Variants in PPP4R4 observed in about 807,000 individuals in gnomAD.
PPP4R4 encodes protein phosphatase 4 regulatory subunit 4.
PPP4R4 carries 70 observed loss-of-function variants against 121.8 expected under a neutral mutation model. That is an observed-to-expected ratio of 0.57 (90% confidence interval 0.47 to 0.70). The LOEUF (loss-of-function observed/expected upper bound fraction) is 0.70, where lower values mean the gene tolerates loss of function less well. Ranked by LOEUF, PPP4R4 falls within the 30% of genes least tolerant of loss-of-function variation. The pLI, the probability that PPP4R4 is intolerant of heterozygous loss-of-function variation, is 0.00. For synonymous variants in PPP4R4, 348 were observed against 355.7 expected (o/e 0.98, Z 0.24); for missense variants, 875 against 1,033.6 (o/e 0.85, Z 2.10).
chr14:94,276,410 G>C (rs897418598), intron 24 of PPP4R4, among the ~76,000 whole-genome samples: 5 of 152,212 alleles, frequency 3.3e-5, no homozygotes, highest in African/African-American at 7.2e-5. Context: ...GAAGCAAAGA[G>C]GTTTAATTGG....
intron 3 of PPP4R4, among the ~76,000 whole-genome samples, chr14:94,214,264 G>C (rs1448074206): frequency 1.3e-5 from 2 of 152,220 alleles, no homozygotes; most frequent in Non-Finnish European, 2.9e-5. Context: ...ATGTAGAATG[G>C]TATATAACGC....
At chr14:94,198,322 C>T (rs993118500) in intron 2 of PPP4R4, among the ~76,000 whole-genome samples, 7 of 151,970 alleles carry the variant, frequency 4.6e-5, no homozygotes, top group African/African-American at 1.4e-4. Context: ...ATTTATTTGC[C>T]ATTTTTATAT....
chr14:94,278,880 T>C lies in PPP4R4; in HGVS notation c.*237T>C, dbSNP rs1894787583. On this transcript the variant is annotated 3_prime_UTR_variant, in exon 25 of 25. Transcript: ENST00000304338. Reference sequence around the variant, plus strand: ...TTGAGTAATAATGTGGTTACGGAATTCCAATGTTATAGTGAAGTGTAATGA... The same window carrying C: ...TTGAGTAATAATGTGGTTACGGAATCCCAATGTTATAGTGAAGTGTAATGA... 3.4e-6 allele frequency: 1 copy of C among 293,894 alleles called. No homozygotes were observed. 18.2% of individuals were successfully genotyped at this position (293,894 alleles called of 1,614,324 possible). A position where few individuals can be genotyped will look rare whatever the true frequency, so the allele number is the denominator to read the frequency against.
At position 94,278,738 on chromosome 14, in the gene PPP4R4, A is replaced by T; in HGVS notation, c.*95A>T. On this transcript the variant is annotated 3_prime_UTR_variant, in exon 25 of 25. Coordinates refer to ENST00000304338, the MANE Select transcript of PPP4R4 (RefSeq NM_058237.2). ...AGCAGTGGCTGGGGCTTTGTTTTTA[A>T]ATTTTGGGTTTTTTTTTTTGTTGTT... 3.9e-6 allele frequency: 5 copies of T among 1,280,342 alleles called. No homozygotes were observed. The highest frequency in any genetic ancestry group is 5.2e-6 in the Non-Finnish European group (5 of 970,664). The allele number at this position is 1,280,342 out of a possible 1,614,324, so 79.3% of individuals were successfully genotyped here. A position where few individuals can be genotyped will look rare whatever the true frequency, so the allele number is the denominator to read the frequency against.
At chr14:94,204,193 A>G (rs182615670) in intron 2 of PPP4R4, among the ~76,000 whole-genome samples, 235 of 152,264 alleles carry the variant, frequency 1.5e-3, no homozygotes, top group Non-Finnish European at 2.1e-3. Flanking sequence ...GAAAAGGTTG[A>G]GAAGTGATTA....
chr14:94,188,189 T>C, intron 2 of PPP4R4, among the ~76,000 whole-genome samples: 1 of 152,178 alleles, frequency 6.6e-6, no homozygotes, highest in East Asian at 1.9e-4. Flanking sequence ...TATCTATTGA[T>C]ATGGTATATG....
rs189749246 is a variant in PPP4R4, at chr14:94,214,798, A to T, written c.294+6232A>T. Among the ~76,000 whole-genome samples, 225 of 152,314 alleles carry T rather than the reference A, an allele frequency of 1.5e-3. 1 individual carries two copies. Among genetic ancestry groups the T allele is most frequent in the African/African-American group, 5.1e-3 (214 of 41,572 alleles). ...CAAAATCAAAATGCTCCAAAATTTGAAGCTTTTTGAGCATAAATATGATGC... is the reference window on the plus strand; with the variant it reads ...CAAAATCAAAATGCTCCAAAATTTGTAGCTTTTTGAGCATAAATATGATGC... On this transcript the variant is annotated intron_variant, in intron 3 of 24. Transcript: ENST00000304338.
intron 2 of PPP4R4, among the ~76,000 whole-genome samples, chr14:94,183,976 CAT>C (rs969075641): frequency 2.6e-5 from 4 of 151,838 alleles, no homozygotes; most frequent in African/African-American, 7.3e-5. Context: ...TCAATGTAAT[CAT>C]ATTATAACAT....
intron 2 of PPP4R4, among the ~76,000 whole-genome samples, chr14:94,194,428 T>C (rs1325356179): frequency 6.6e-6 from 1 of 152,152 alleles, no homozygotes; most frequent in Non-Finnish European, 1.5e-5. Context: ...GGCTTTTCAA[T>C]AGGAAGTTGT....
At chr14:94,262,471 C>T (rs950430385) in intron 19 of PPP4R4, among the ~76,000 whole-genome samples, 1 of 151,738 alleles carries the variant, frequency 6.6e-6, no homozygotes, top group Non-Finnish European at 1.5e-5. Flanking sequence ...ATTTTAATAT[C>T]CATACCTAAC....
At chr14:94,202,581 G>C (rs1763653096) in intron 2 of PPP4R4, among the ~76,000 whole-genome samples, 1 of 152,148 alleles carries the variant, frequency 6.6e-6, no homozygotes. Context: ...GTAGTTTGCT[G>C]ATAGTTTTAA....
rs150796715 is a variant in PPP4R4, at chr14:94,231,392, TG to T, written c.516+79del. 1.2e-3 allele frequency: 1,506 copies of T among 1,300,738 alleles called. 23 individuals carry two copies. The African/African-American group carries it at 0.02, about 17-fold the overall frequency. The allele number at this position is 1,300,738 out of a possible 1,614,324, so 80.6% of individuals were successfully genotyped here. ...TTTTTAAAAGGTTTCTTGTCAAAAATGGTTTTTAAAAAAGAAAGTTGTTTTT... is the reference window on the plus strand; with the variant it reads ...TTTTTAAAAGGTTTCTTGTCAAAAATGTTTTTAAAAAAGAAAGTTGTTTTT... On this transcript the variant is annotated intron_variant, in intron 5 of 24. Transcript: ENST00000304338.
intron 3 of PPP4R4, chr14:94,227,749 C>G (rs1304055186): frequency 8.0e-6 from 8 of 1,000,726 alleles, no homozygotes; most frequent in Non-Finnish European, 9.5e-6. Flanking sequence ...TTAACAGACT[C>G]ATGTGAACTG....
At chr14:94,221,996 G>A (rs1386990918) in intron 3 of PPP4R4, among the ~76,000 whole-genome samples, 1 of 151,990 alleles carries the variant, frequency 6.6e-6, no homozygotes, top group African/African-American at 2.4e-5. Context: ...ACCATTCAAT[G>A]ATATAATACT....
chr14:94,178,900 A>G (rs1192349382), intron 2 of PPP4R4, among the ~76,000 whole-genome samples: 2 of 152,210 alleles, frequency 1.3e-5, no homozygotes, highest in Non-Finnish European at 2.9e-5. Context: ...AATCCTAAGT[A>G]TGTATACTGT....
chr14:94,174,434 C>A lies in PPP4R4; in HGVS notation c.-32C>A. 6.5e-6 allele frequency: 10 copies of A among 1,529,356 alleles called. No individual in the cohort carries two copies. Among genetic ancestry groups the A allele is most frequent in the Non-Finnish European group, 8.8e-6 (10 of 1,139,364 alleles). 94.7% of individuals were successfully genotyped at this position (1,529,356 alleles called of 1,614,324 possible). On this transcript the variant is annotated 5_prime_UTR_variant, in exon 1 of 25. Coordinates refer to ENST00000304338, the MANE Select transcript of PPP4R4 (RefSeq NM_058237.2). ...GGGCGTCCGGCATCCCGGGGCCGCTCCGGCCCGGGCGGCGAGAGTGCCCGG... is the reference window on the plus strand; with the variant it reads ...GGGCGTCCGGCATCCCGGGGCCGCTACGGCCCGGGCGGCGAGAGTGCCCGG...
rs966033967 is a variant in PPP4R4, at chr14:94,278,744, G to C, written c.*101G>C. 1.5e-5 allele frequency: 18 copies of C among 1,233,218 alleles called. No individual in the cohort carries two copies. Among genetic ancestry groups the C allele is most frequent in the Non-Finnish European group, 1.9e-5 (18 of 935,830 alleles). 76.4% of individuals were successfully genotyped at this position (1,233,218 alleles called of 1,614,324 possible). A position where few individuals can be genotyped will look rare whatever the true frequency, so the allele number is the denominator to read the frequency against. On this transcript the variant is annotated 3_prime_UTR_variant, in exon 25 of 25. Coordinates refer to ENST00000304338, the MANE Select transcript of PPP4R4 (RefSeq NM_058237.2). ...GGCTGGGGCTTTGTTTTTAAATTTT[G>C]GGTTTTTTTTTTTGTTGTTGTTAAT...
chr14:94,274,815 G>A (rs1336859340), intron 23 of PPP4R4, among the ~76,000 whole-genome samples: 2 of 152,084 alleles, frequency 1.3e-5, no homozygotes, highest in Admixed American at 6.6e-5. Context: ...TAAAACATAT[G>A]TCCACACACA....
intron 2 of PPP4R4, among the ~76,000 whole-genome samples, chr14:94,201,959 C>CAT (rs1890212859): frequency 2.7e-5 from 4 of 150,088 alleles, no homozygotes; most frequent in South Asian, 4.2e-4. Flanking sequence ...TATATATATA[C>CAT]ATATATATAC....
Sources: gnomAD v4.1 joint callset for allele counts (sites outside exome capture counted in the v4.1 genomes callset) on GRCh38, gnomAD v4.1.1 for gene constraint, MANE v1.5 for transcripts, NCBI Gene and HGNC (gene_info 2026-07-23, HGNC 2026-07-21) for gene names.